The following PKP4 variants were observed in gnomAD, a reference collection of about 807,000 sequenced individuals.
The protein encoded by PKP4 is plakophilin-4.
A neutral mutation model predicts 145.1 loss-of-function variants in PKP4; 90 were observed. That is an observed-to-expected ratio of 0.62 (90% CI 0.52 to 0.74). The LOEUF is 0.74. Among genes scored for constraint, PKP4 ranks in the 30% least tolerant of loss-of-function variants. The pLI is 0.00. For missense variants in PKP4, 1,340 were observed against 1,482.7 expected, an observed-to-expected ratio of 0.90 and a Z score of 1.58; for synonymous variants, 563 against 577.2, an observed-to-expected ratio of 0.98 and a Z score of 0.35.
At chr2:158,560,554 A>G (rs771311764) in intron 2 of PKP4, among the ~76,000 whole-genome samples, 1 of 152,248 alleles carries the variant, frequency 6.6e-6, no homozygotes. Flanking sequence ...TAAAAATGGA[A>G]TCCAAGGCAT....
chr2:158,612,007 T>C (rs1270138691), intron 4 of PKP4, among the ~76,000 whole-genome samples: 2 of 148,264 alleles, frequency 1.3e-5, no homozygotes, highest in Non-Finnish European at 3.0e-5. Context: ...GAAAATAAGA[T>C]ATGCTTCTTT....
chr2:158,558,653 G>T (rs2046286137), intron 2 of PKP4, among the ~76,000 whole-genome samples: 1 of 152,120 alleles, frequency 6.6e-6, no homozygotes, highest in Admixed American at 6.5e-5. Flanking sequence ...TGAATAAGTG[G>T]AGAGCCCTTG....
chr2:158,533,046 T>C (rs970094560), intron 1 of PKP4, 134 bp from the exon 2 acceptor site: 1 of 795,064 alleles, frequency 1.3e-6, no homozygotes, highest in Non-Finnish European at 1.9e-6. Flanking sequence ...TTAGAAAATT[T>C]AGCAATTTCA....
At chr2:158,519,156 T>A (rs560703689) in intron 1 of PKP4, among the ~76,000 whole-genome samples, 6 of 152,134 alleles carry the variant, frequency 3.9e-5, no homozygotes, top group African/African-American at 1.2e-4. Context: ...TTTTTTTTTT[T>A]AATTGTTGTT....
At chr2:158,648,007 A>G (rs974290988) in intron 11 of PKP4, among the ~76,000 whole-genome samples, 10 of 152,224 alleles carry the variant, frequency 6.6e-5, no homozygotes, top group African/African-American at 2.4e-4. Flanking sequence ...TCATTTTTTA[A>G]AACTATAGAC....
chr2:158,656,905 G>A (rs1464472495), intron 11 of PKP4, among the ~76,000 whole-genome samples: 3 of 152,192 alleles, frequency 2.0e-5, no homozygotes, highest in Non-Finnish European at 2.9e-5. Flanking sequence ...GTGGTGTCCA[G>A]GCTGGCTTCT....
rs548802724 is a variant in PKP4 at position 158,661,412 on chromosome 2, A to G, written c.2173A>G (p.Ile725Val). 6.2e-7 allele frequency: 1 copy of G among 1,613,152 alleles called. No homozygotes were observed. Among genetic ancestry groups the G allele is most frequent in the African/African-American group, 1.3e-5 (1 of 75,012 alleles). The change falls in exon 13 of 22, where the codon ATC becomes GTC. Residue 725 changes from isoleucine (I) to valine (V), a missense_variant. Physicochemically the swap from Ile to Val is conservative, Grantham distance 29. Transcript: ENST00000389759. ...EGLVDSLLYVIHTCVNTSDYD... is the reference protein window; with the variant it reads ...EGLVDSLLYVVHTCVNTSDYD... ...GCTGGTAGACTCACTGTTGTATGTGATCCACACGTGTGTGAACACATCCGA... is the reference window on the plus strand; with the variant it reads ...GCTGGTAGACTCACTGTTGTATGTGGTCCACACGTGTGTGAACACATCCGA...
chr2:158,676,481 G>A (rs2058021782), intron 19 of PKP4, among the ~76,000 whole-genome samples: 1 of 152,224 alleles, frequency 6.6e-6, no homozygotes, highest in African/African-American at 2.4e-5. Flanking sequence ...TAGCCGGGCA[G>A]CTTGCCCTCC....
chr2:158,593,618 A>G (rs1574673558), intron 3 of PKP4, among the ~76,000 whole-genome samples: 2 of 152,204 alleles, frequency 1.3e-5, no homozygotes, highest in East Asian at 3.8e-4. Context: ...TCTAGTCCCT[A>G]TGAAGGTTAC....
intron 11 of PKP4, among the ~76,000 whole-genome samples, chr2:158,654,639 G>A (rs1200144607): frequency 6.6e-6 from 1 of 152,084 alleles, no homozygotes; most frequent in Non-Finnish European, 1.5e-5. Context: ...GCAACCATCT[G>A]TTTTGGTCTC....
chr2:158,541,469 G>C (rs1241107776), intron 2 of PKP4, among the ~76,000 whole-genome samples: 2 of 152,056 alleles, frequency 1.3e-5, no homozygotes, highest in African/African-American at 4.8e-5. Context: ...AGAATCTTAA[G>C]AGTTTTTATG....
intron 2 of PKP4, among the ~76,000 whole-genome samples, chr2:158,545,630 C>T (rs1409957377): frequency 1.3e-5 from 2 of 152,144 alleles, no homozygotes; most frequent in Non-Finnish European, 2.9e-5. Flanking sequence ...ATTACAGCTA[C>T]TCATTCTTAT....
At chr2:158,517,810 C>G in intron 1 of PKP4, among the ~76,000 whole-genome samples, 1 of 151,614 alleles carries the variant, frequency 6.6e-6, no homozygotes, top group East Asian at 1.9e-4. Context: ...CCCAGCTCCT[C>G]GAGAAGCTGA....
intron 1 of PKP4, among the ~76,000 whole-genome samples, chr2:158,525,860 A>G (rs2042877836): frequency 6.7e-6 from 1 of 149,508 alleles, no homozygotes; most frequent in Non-Finnish European, 1.5e-5. Context: ...AAACACCTCT[A>G]CGCAAATAAA....
At chr2:158,587,817 T>C (rs2048926127) in intron 3 of PKP4, among the ~76,000 whole-genome samples, 1 of 152,010 alleles carries the variant, frequency 6.6e-6, no homozygotes. Flanking sequence ...TAACCACTAG[T>C]ATGTAATGTT....
At chr2:158,518,218 G>C (rs951880549) in intron 1 of PKP4, among the ~76,000 whole-genome samples, 2 of 152,216 alleles carry the variant, frequency 1.3e-5, no homozygotes, top group African/African-American at 4.8e-5. Flanking sequence ...GTCTTGGCTC[G>C]AATGGCTGTG....
intron 2 of PKP4, among the ~76,000 whole-genome samples, chr2:158,569,580 T>C (rs976286772): frequency 1.3e-5 from 2 of 152,230 alleles, no homozygotes; most frequent in Non-Finnish European, 2.9e-5. Context: ...TTTTCCAATT[T>C]GTAAAAAATA....
chr2:158,500,774 G>A (rs1265353500), intron 1 of PKP4, among the ~76,000 whole-genome samples: 2 of 152,154 alleles, frequency 1.3e-5, no homozygotes, highest in Admixed American at 1.3e-4. Flanking sequence ...TCTGGGAGAG[G>A]GCATGAACTC....
rs557021867 is a variant in PKP4 at position 158,578,740 on chromosome 2, A to G, written c.245+1357A>G. On this transcript the variant is annotated intron_variant, in intron 3 of 21. Coordinates refer to ENST00000389759, the MANE Select transcript of PKP4 (RefSeq NM_003628.6). Reference sequence around the variant, plus strand: ...TAGTACTTCTTATTCTGGCAATATTACTAACTAAATTAAAATAGAAATTCT... The same window carrying G: ...TAGTACTTCTTATTCTGGCAATATTGCTAACTAAATTAAAATAGAAATTCT... Among the ~76,000 whole-genome samples the G allele has an allele frequency of 3.0e-3, 461 of 152,348 alleles. 1 individual carries two copies. The highest frequency in any genetic ancestry group is 4.0e-3 in the Non-Finnish European group (275 of 68,036).
Sources: gnomAD v4.1 joint callset for allele counts (sites outside exome capture counted in the v4.1 genomes callset) on GRCh38, gnomAD v4.1.1 for gene constraint, MANE v1.5 for transcripts, NCBI Gene and HGNC (gene_info 2026-07-23, HGNC 2026-07-21) for gene names.